LMF1: variants seen among roughly 807,000 people sequenced by gnomAD.
The protein encoded by LMF1 is transmembrane protein 112.
LMF1 carries 68 observed loss-of-function variants against 60.6 expected under a neutral mutation model. The observed-to-expected ratio is 1.12, with a 90% CI of 0.92 to 1.37. The LOEUF (loss-of-function observed/expected upper bound fraction) is 1.37, where lower values mean the gene tolerates loss of function less well. Ranked by LOEUF, LMF1 falls within the 40% of genes most tolerant of loss-of-function variation. The pLI is 0.00. For synonymous variants in LMF1, 418 were observed against 324.7 expected (o/e 1.29, Z -3.09); for missense variants, 948 against 767.2 (o/e 1.24, Z -2.78).
intron 1 of LMF1, chr16:976,013 A>G (rs1233272053): frequency 2.2e-6 from 1 of 452,732 alleles, no homozygotes; most frequent in Non-Finnish European, 4.4e-6. Flanking sequence ...CATTCTGGGC[A>G]AGGGGCCTCA....
intron 9 of LMF1, chr16:869,562 G>A (rs1225151487): frequency 3.3e-6 from 2 of 599,744 alleles, no homozygotes; most frequent in Admixed American, 4.3e-5. Context: ...GAAACCACAG[G>A]CGCCACCCTC....
intron 1 of LMF1, among the ~76,000 whole-genome samples, chr16:978,155 C>T (rs542209870): frequency 1.2e-4 from 18 of 149,894 alleles, no homozygotes; most frequent in East Asian, 7.9e-4. Flanking sequence ...ATCATACACA[C>T]ACACACACAC....
At chr16:902,704 T>C (rs2070851463) in intron 4 of LMF1, 1 of 155,808 alleles carries the variant, frequency 6.4e-6, no homozygotes, top group Admixed American at 6.7e-5. Context: ...CCGTCTCTGC[T>C]GCGTGGTGGT....
At chr16:924,631 T>C (rs1228835624) in intron 3 of LMF1, among the ~76,000 whole-genome samples, 2 of 152,092 alleles carry the variant, frequency 1.3e-5, no homozygotes, top group Non-Finnish European at 2.9e-5. Context: ...GATGACAGGG[T>C]AGGGCAGGGA....
chr16:871,520 A>G, intron 6 of LMF1, 179 bp from the exon 7 acceptor site: 1 of 632,196 alleles, frequency 1.6e-6, no homozygotes, highest in Non-Finnish European at 2.7e-6. Context: ...AGGGGACAGC[A>G]GATGCCTCAG....
chr16:978,096 C>A (rs56377709), intron 1 of LMF1, among the ~76,000 whole-genome samples: 2 of 137,270 alleles, frequency 1.5e-5, no homozygotes, highest in Admixed American at 1.4e-4. Context: ...CAAACACACA[C>A]GGACACACAC....
At chr16:937,849 G>A (rs891581931) in intron 2 of LMF1, among the ~76,000 whole-genome samples, 4 of 152,140 alleles carry the variant, frequency 2.6e-5, no homozygotes, top group South Asian at 2.1e-4. Flanking sequence ...CCTATCTAGA[G>A]TGTGTAGTAG....
At chr16:974,839 G>A (rs959204673), upstream of LMF1, among the ~76,000 whole-genome samples, 3 of 152,224 alleles carry the variant, frequency 2.0e-5, no homozygotes, top group Admixed American at 6.5e-5. Flanking sequence ...TCTGGCACCC[G>A]CAGGAAGCCA....
chr16:857,521 G>T (rs1462359072), intron 10 of LMF1, among the ~76,000 whole-genome samples: 5 of 86,884 alleles, frequency 5.8e-5, no homozygotes, highest in African/African-American at 2.9e-4. Context: ...GGACGGGTGT[G>T]AGTGGTGTCA....
intron 4 of LMF1, 90 bp downstream of exon 4, chr16:910,841 G>T: frequency 1.3e-6 from 2 of 1,537,264 alleles, no homozygotes; most frequent in South Asian, 1.2e-5. Context: ...GGCGGGGGAG[G>T]AAGGAAACAG....
At chr16:941,895 T>C (rs1256104788) in intron 2 of LMF1, among the ~76,000 whole-genome samples, 1 of 152,216 alleles carries the variant, frequency 6.6e-6, no homozygotes, top group African/African-American at 2.4e-5. Context: ...TATATTACAG[T>C]ATTACAGTTT....
intron 4 of LMF1, among the ~76,000 whole-genome samples, chr16:906,658 C>A (rs143946682): frequency 2.0e-5 from 3 of 152,224 alleles, no homozygotes; most frequent in Admixed American, 1.3e-4. Context: ...TTCTGTCCCT[C>A]GAGGGAACCC....
intron 3 of LMF1, among the ~76,000 whole-genome samples, chr16:921,765 T>C (rs939716957): frequency 6.6e-6 from 1 of 152,110 alleles, no homozygotes; most frequent in Non-Finnish European, 1.5e-5. Flanking sequence ...GGAGACCCAC[T>C]ACGTAACAAC....
intron 4 of LMF1, among the ~76,000 whole-genome samples, chr16:908,014 G>T (rs1156396587): frequency 6.6e-6 from 1 of 152,192 alleles, no homozygotes; most frequent in Non-Finnish European, 1.5e-5. Flanking sequence ...CTCCTCTGCG[G>T]GGCCGGCTCC....
At chr16:869,674 A>G in intron 9 of LMF1, 1 of 656,834 alleles carries the variant, frequency 1.5e-6, no homozygotes, top group Non-Finnish European at 2.7e-6. Flanking sequence ...ACCCGGGGGG[A>G]CGGTGGGGCT....
At chr16:918,119 G>A (rs2071331158) in intron 3 of LMF1, among the ~76,000 whole-genome samples, 3 of 152,224 alleles carry the variant, frequency 2.0e-5, no homozygotes, top group Non-Finnish European at 2.9e-5. Context: ...TGAAAGTGCT[G>A]GTTAAGGGCT....
At chr16:972,717 C>G (rs748658847), upstream of LMF1, among the ~76,000 whole-genome samples, 2 of 152,236 alleles carry the variant, frequency 1.3e-5, no homozygotes, top group Non-Finnish European at 2.9e-5. Flanking sequence ...CTGGGCCGAG[C>G]TGCTCTCCCC....
intron 10 of LMF1, among the ~76,000 whole-genome samples, chr16:863,017 C>G (rs1443217512): frequency 3.9e-5 from 6 of 152,020 alleles, no homozygotes; most frequent in Non-Finnish European, 7.4e-5. Context: ...AGTTATAGGG[C>G]TATTTAAATT....
intron 10 of LMF1, 175 bp from the exon 11 acceptor site, chr16:854,881 A>G: frequency 3.0e-6 from 2 of 663,452 alleles, no homozygotes; most frequent in Non-Finnish European, 5.4e-6. Context: ...GGGCAGGGCA[A>G]CTGTTCCAGT....
Sources: allele counts gnomAD v4.1 joint callset (sites outside exome capture counted in the v4.1 genomes callset), GRCh38; gene constraint gnomAD v4.1.1; transcripts MANE v1.5; gene names NCBI Gene and HGNC (gene_info 2026-07-23, HGNC 2026-07-21).